Variants in GALNT16 observed in about 807,000 individuals in gnomAD.
The protein encoded by GALNT16 is polypeptide N-acetylgalactosaminyltransferase 16, also known as UDP-GalNAc:polypeptide N-acetylgalactosaminyltransferase-like protein 1.
Under a neutral mutation model 76.1 loss-of-function variants are expected in GALNT16, and 40 were observed. The observed-to-expected ratio is 0.53, with a 90% CI of 0.41 to 0.68. The LOEUF (loss-of-function observed/expected upper bound fraction) is 0.68. GALNT16 is among the 30% of genes least tolerant of loss of function. The pLI, the probability that GALNT16 is intolerant of heterozygous loss-of-function variation, is 0.00. For synonymous variants in GALNT16, 276 were observed against 285.2 expected (o/e 0.97, Z 0.32); for missense variants, 621 against 731.9 (o/e 0.85, Z 1.75).
rs566694967 is a variant in GALNT16, at chr14:69,346,933, C to T, written c.1272-107C>T. ...CAGGCTGCTCCCGGGCCCCTTCCCA[C>T]GGAGACCTCGGCGCTCCCAGAGCTG... is the stretch of plus-strand genomic sequence containing the variant. On this transcript the variant is annotated intron_variant, in intron 12 of 14. Coordinates refer to ENST00000448469, the MANE Select transcript of GALNT16 (RefSeq NM_001168368.2). 625 of 1,393,040 alleles carry T rather than the reference C, an allele frequency of 4.5e-4. 7 individuals are homozygous for T. The South Asian group carries it at 6.9e-3, about 15-fold the overall frequency. 86.3% of individuals were successfully genotyped at this position (1,393,040 alleles called of 1,614,324 possible).
At chr14:69,289,103 C>T (rs1245781548) in intron 1 of GALNT16, among the ~76,000 whole-genome samples, 1 of 152,102 alleles carries the variant, frequency 6.6e-6, no homozygotes, top group African/African-American at 2.4e-5. Context: ...GTCTCAAACG[C>T]TTGGCCTGAA....
At chr14:69,285,903 C>G (rs2044604694) in intron 1 of GALNT16, among the ~76,000 whole-genome samples, 1 of 152,176 alleles carries the variant, frequency 6.6e-6, no homozygotes, top group Non-Finnish European at 1.5e-5. Context: ...GACCCCAACC[C>G]AGATCTGCCT....
At chr14:69,342,408 G>A (rs1272166010) in intron 12 of GALNT16, among the ~76,000 whole-genome samples, 1 of 144,180 alleles carries the variant, frequency 6.9e-6, no homozygotes, top group Admixed American at 6.9e-5. Context: ...CTAAGTGTTA[G>A]GGTGAGGAAG....
At chr14:69,320,086 C>CCG (rs141337737) in intron 1 of GALNT16, among the ~76,000 whole-genome samples, 32,004 of 150,886 alleles carry the variant, frequency 0.21, 4,186 homozygotes, top group East Asian at 0.44. Context: ...CCAGGACTCA[C>CCG]CCCCCCAATA....
At chr14:69,289,445 G>C (rs967823505) in intron 1 of GALNT16, among the ~76,000 whole-genome samples, 1 of 152,180 alleles carries the variant, frequency 6.6e-6, no homozygotes, top group African/African-American at 2.4e-5. Context: ...CTCGCTGGAA[G>C]GTTCAGACTC....
the GALNT16 span, among the ~76,000 whole-genome samples, chr14:69,371,523 T>C: frequency 6.6e-6 from 1 of 152,008 alleles, no homozygotes; most frequent in Non-Finnish European, 1.5e-5. Context: ...CCCAAAGTGC[T>C]GGGATTACAG....
At position 69,353,667 on chromosome 14, in the gene GALNT16, G is replaced by T. The variant is rs964790899; in HGVS notation, c.*1499G>T. On this transcript the variant is annotated 3_prime_UTR_variant, in exon 15 of 15. Transcript: ENST00000448469. Reference sequence around the variant, plus strand: ...GAGTTCATGGATTCTAGAGGGTCTAGGAATCTCTTGAAATTGTCCCTAAAA... The same window carrying T: ...GAGTTCATGGATTCTAGAGGGTCTATGAATCTCTTGAAATTGTCCCTAAAA... 3 of 152,156 alleles carry T rather than the reference G, an allele frequency of 2.0e-5. No individual in the cohort carries two copies. The highest frequency in any genetic ancestry group is 7.2e-5 in the African/African-American group (3 of 41,420). 9.4% of individuals were successfully genotyped at this position (152,156 alleles called of 1,614,324 possible). A position where few individuals can be genotyped will look rare whatever the true frequency, so the allele number is the denominator to read the frequency against.
chr14:69,321,587 C>T (rs928992478), intron 2 of GALNT16, among the ~76,000 whole-genome samples: 1 of 152,196 alleles, frequency 6.6e-6, no homozygotes, highest in South Asian at 2.1e-4. Flanking sequence ...TGGCCTTACC[C>T]ACCTTTCCCC....
In GALNT16 at chr14:69,287,056, G is replaced by A. The variant is rs537232031; in HGVS notation, c.177+26589G>A. Among the ~76,000 whole-genome samples, 25 of 152,158 alleles carry A rather than the reference G, an allele frequency of 1.6e-4. No homozygotes were observed. The East Asian group carries it at 4.4e-3, about 27-fold the overall frequency. ...CATCAGTGAATCAAGAGACTTTCCC[G>A]GACATATGAGTCACTCACCATTCCT... On this transcript the variant is annotated intron_variant, in intron 1 of 14. Coordinates refer to ENST00000448469, the MANE Select transcript of GALNT16 (RefSeq NM_001168368.2).
At chr14:69,334,944 T>C (rs529567825) in intron 9 of GALNT16, among the ~76,000 whole-genome samples, 1 of 151,860 alleles carries the variant, frequency 6.6e-6, no homozygotes, top group Non-Finnish European at 1.5e-5. Flanking sequence ...CACAGAGCCC[T>C]CTCCCACTGC....
chr14:69,334,948 C>T (rs1309349934), intron 9 of GALNT16, among the ~76,000 whole-genome samples: 1 of 152,126 alleles, frequency 6.6e-6, no homozygotes, highest in African/African-American at 2.4e-5. Flanking sequence ...GAGCCCTCTC[C>T]CACTGCTTCC....
Position 69,266,509 on chromosome 14 carries a change from G to A in GALNT16, c.177+6042G>A, listed in dbSNP as rs745849554. Reference sequence around the variant, plus strand: ...AGCATTGAGCCAACTTTCAGAAAAGGCAAGAGACTTATTTGAATTATTCTG... The same window carrying A: ...AGCATTGAGCCAACTTTCAGAAAAGACAAGAGACTTATTTGAATTATTCTG... On this transcript the variant is annotated intron_variant, in intron 1 of 14. Coordinates refer to ENST00000448469, the MANE Select transcript of GALNT16 (RefSeq NM_001168368.2). Among the ~76,000 whole-genome samples the A allele has an allele frequency of 3.9e-5, 6 of 152,284 alleles. No homozygotes were observed. The South Asian group carries it at 1.2e-3, about 32-fold the overall frequency.
intron 11 of GALNT16, 78 bp from the exon 12 acceptor site, chr14:69,341,603 G>A: frequency 1.1e-6 from 1 of 893,904 alleles, no homozygotes; most frequent in Non-Finnish European, 1.8e-6. Context: ...TGGGGCTGGG[G>A]GACAGGCCTC....
chr14:69,323,464 C>A (rs991655894), intron 2 of GALNT16, among the ~76,000 whole-genome samples: 9 of 152,200 alleles, frequency 5.9e-5, no homozygotes, highest in Non-Finnish European at 1.2e-4. Context: ...TCCCTCCTTT[C>A]TGGGCACCGG....
chr14:69,271,885 T>C (rs970780386), intron 1 of GALNT16, among the ~76,000 whole-genome samples: 3 of 152,234 alleles, frequency 2.0e-5, no homozygotes, highest in African/African-American at 4.8e-5. Context: ...ACCTTGCTAG[T>C]ATTTTGTACA....
At chr14:69,283,408 T>G (rs1452850895) in intron 1 of GALNT16, among the ~76,000 whole-genome samples, 3 of 152,168 alleles carry the variant, frequency 2.0e-5, no homozygotes, top group Non-Finnish European at 4.4e-5. Flanking sequence ...CTTTGCTCAC[T>G]TGGTCTTTCA....
chr14:69,307,590 G>A (rs1057515176), intron 1 of GALNT16, among the ~76,000 whole-genome samples: 13 of 152,018 alleles, frequency 8.6e-5, no homozygotes, highest in African/African-American at 3.1e-4. Flanking sequence ...CCGCAGCTAC[G>A]GAAACTGCTT....
chr14:69,328,672 C>T (rs779815207), intron 6 of GALNT16, 101 bp downstream of exon 6: 14 of 1,234,968 alleles, frequency 1.1e-5, no homozygotes, highest in Middle Eastern at 2.4e-4. Context: ...GGGCAGGCAT[C>T]GTAGGAAGCC....
At chr14:69,312,052 AAAATCTGTCTATCTATCT>A (rs1313673338) in intron 1 of GALNT16, among the ~76,000 whole-genome samples, 18 of 127,234 alleles carry the variant, frequency 1.4e-4, no homozygotes, top group Non-Finnish European at 2.5e-4. Context: ...AAAAAAAAAA[AAAATCTGTCTATCTATCT>A]ATCTATCTAT....
Sources: allele counts gnomAD v4.1 joint callset (sites outside exome capture counted in the v4.1 genomes callset), GRCh38; gene constraint gnomAD v4.1.1; transcripts MANE v1.5; gene names NCBI Gene and HGNC (gene_info 2026-07-23, HGNC 2026-07-21).